The following IFT56 variants were observed in gnomAD, a reference collection of about 807,000 sequenced individuals.
IFT56 encodes intraflagellar transport protein 56.
chr7:139,169,891 A>G, the IFT56 span, among the ~76,000 whole-genome samples: 7 of 152,026 alleles, frequency 4.6e-5, no homozygotes, highest in African/African-American at 1.7e-4. Flanking sequence ...GCACACACCT[A>G]TGGCCCCAGC....
At chr7:139,133,828 G>T in the IFT56 span, 2 of 1,614,218 alleles carry the variant, frequency 1.2e-6, no homozygotes, top group South Asian at 1.1e-5. Context: ...CCTTCGCTGT[G>T]TGGTGGGGAC....
chr7:139,190,647 G>A, the IFT56 span: 1 of 152,160 alleles, frequency 6.6e-6, no homozygotes, highest in African/African-American at 2.4e-5. Flanking sequence ...TCCTTTGAGG[G>A]AATCTCCTAA....
chr7:139,178,350 A>G, the IFT56 span: 1 of 1,535,082 alleles, frequency 6.5e-7, no homozygotes, highest in Non-Finnish European at 9.0e-7. Flanking sequence ...ATACTATGGA[A>G]TGTGTCAGAG....
chr7:139,136,531 C>G, the IFT56 span, among the ~76,000 whole-genome samples: 2 of 152,134 alleles, frequency 1.3e-5, no homozygotes, highest in Non-Finnish European at 2.9e-5. Flanking sequence ...CTCACTGCAG[C>G]CTCAACCTCC....
the IFT56 span, among the ~76,000 whole-genome samples, chr7:139,164,614 A>G: frequency 7.2e-4 from 109 of 152,296 alleles, no homozygotes; most frequent in African/African-American, 2.3e-3. Flanking sequence ...ATATGCATCA[A>G]TAGAGCTTCA....
the IFT56 span, chr7:139,148,526 T>C: frequency 1.5e-6 from 1 of 683,802 alleles, no homozygotes; most frequent in Non-Finnish European, 2.4e-6. Flanking sequence ...CCTAATTATA[T>C]GTTTATCAGG....
chr7:139,187,347 A>G, the IFT56 span: 1 of 1,580,732 alleles, frequency 6.3e-7, no homozygotes, highest in Non-Finnish European at 8.6e-7. Context: ...CTTTATGTTC[A>G]GGTTCTTTCT....
the IFT56 span, chr7:139,146,995 TAGAAGAC>T: frequency 6.5e-7 from 1 of 1,528,804 alleles, no homozygotes; most frequent in Non-Finnish European, 8.8e-7. Flanking sequence ...AGAAATGAAG[TAGAAGAC>T]AAAGAACCTA....
the IFT56 span, chr7:139,173,991 T>C: frequency 1.6e-6 from 1 of 635,298 alleles, no homozygotes; most frequent in Non-Finnish European, 3.0e-6. Context: ...TAATGAATTT[T>C]CATCATTTTC....
the IFT56 span, chr7:139,165,266 A>G: frequency 2.7e-6 from 4 of 1,484,962 alleles, no homozygotes; most frequent in African/African-American, 1.4e-5. Context: ...CTTACTTACA[A>G]TGAGATATTT....
the IFT56 span, chr7:139,173,164 T>A: frequency 3.1e-6 from 2 of 652,472 alleles, no homozygotes; most frequent in Non-Finnish European, 5.6e-6. Context: ...GAGTTCCTCC[T>A]GGATCGTATT....
the IFT56 span, among the ~76,000 whole-genome samples, chr7:139,159,535 TCTTTCA>T: frequency 4.6e-5 from 7 of 152,188 alleles, no homozygotes; most frequent in African/African-American, 1.7e-4. Flanking sequence ...GTGGGAAGGG[TCTTTCA>T]CTAGACTTCC....
At chr7:139,177,830 T>C in the IFT56 span, among the ~76,000 whole-genome samples, 1 of 152,102 alleles carries the variant, frequency 6.6e-6, no homozygotes, top group Non-Finnish European at 1.5e-5. Context: ...CAAATTATTT[T>C]TCCGTTTAAG....
chr7:139,148,690 C>G, the IFT56 span, among the ~76,000 whole-genome samples: 3 of 151,704 alleles, frequency 2.0e-5, no homozygotes, highest in South Asian at 6.3e-4. Flanking sequence ...TTTGGGAGGC[C>G]AAGGCGGGCA....
the IFT56 span, chr7:139,168,466 T>G: frequency 1.7e-6 from 2 of 1,198,984 alleles, no homozygotes; most frequent in Non-Finnish European, 2.5e-6. Flanking sequence ...ACAAAATGAC[T>G]ATCAAAGTGC....
chr7:139,171,156 A>T, the IFT56 span, among the ~76,000 whole-genome samples: 1 of 152,242 alleles, frequency 6.6e-6, no homozygotes, highest in Non-Finnish European at 1.5e-5. Context: ...TATTTCTACA[A>T]TAAAAACTAT....
At chr7:139,146,373 T>G in the IFT56 span, among the ~76,000 whole-genome samples, 1 of 151,918 alleles carries the variant, frequency 6.6e-6, no homozygotes, top group African/African-American at 2.4e-5. Context: ...GAAGAAAGGA[T>G]GAAAAAATGT....
chr7:139,159,816 TTTAA>T, the IFT56 span, among the ~76,000 whole-genome samples: 14 of 152,326 alleles, frequency 9.2e-5, no homozygotes, highest in Admixed American at 9.1e-4. Flanking sequence ...TTTAAAAAAA[TTTAA>T]TTGTTTTTAT....
chr7:139,181,258 C>A, the IFT56 span: 1 of 1,310,396 alleles, frequency 7.6e-7, no homozygotes, highest in Non-Finnish European at 1.1e-6. Context: ...GCTGCATTGG[C>A]TAAATATTAG....
Sources: gnomAD v4.1 joint callset for allele counts (sites outside exome capture counted in the v4.1 genomes callset) on GRCh38, gnomAD v4.1.1 for gene constraint, MANE v1.5 for transcripts, NCBI Gene and HGNC (gene_info 2026-07-23, HGNC 2026-07-21) for gene names.